The following ANKIB1 variants were observed in gnomAD, a reference collection of about 807,000 sequenced individuals.
ANKIB1 encodes the protein ankyrin repeat and IBR domain-containing protein 1.
ANKIB1 carries 43 observed loss-of-function variants against 122.1 expected under a neutral mutation model. That is an observed-to-expected ratio of 0.35 (90% CI 0.28 to 0.45). The LOEUF (loss-of-function observed/expected upper bound fraction) is 0.45, where lower values mean the gene tolerates loss of function less well. Among genes scored for constraint, ANKIB1 ranks in the 20% least tolerant of loss-of-function variants. The probability of loss-of-function intolerance (pLI) is 1.00; values close to 1 mark genes in which losing one functional copy is unlikely to be tolerated. For synonymous variants in ANKIB1, 390 were observed against 442.0 expected (o/e 0.88, Z 1.48); for missense variants, 992 against 1,329.5 (o/e 0.75, Z 3.95).
At chr7:92,368,562 CA>C (rs1309290342) in intron 10 of ANKIB1, among the ~76,000 whole-genome samples, 2 of 150,604 alleles carry the variant, frequency 1.3e-5, no homozygotes, top group Admixed American at 6.6e-5. Flanking sequence ...ACTAAAAATA[CA>C]AAAAAAAATT....
chr7:92,262,590 G>T (rs1801587896), intron 1 of ANKIB1, among the ~76,000 whole-genome samples: 1 of 152,102 alleles, frequency 6.6e-6, no homozygotes, highest in African/African-American at 2.4e-5. Flanking sequence ...AGCATGATCT[G>T]GTTCTGCAAT....
At chr7:92,289,160 C>A (rs1053723018) in intron 1 of ANKIB1, among the ~76,000 whole-genome samples, 1 of 152,168 alleles carries the variant, frequency 6.6e-6, no homozygotes, top group Non-Finnish European at 1.5e-5. Flanking sequence ...TATACCCATA[C>A]AGTGGAATAC....
At position 92,246,183 on chromosome 7, in the gene ANKIB1, A is replaced by C. The variant is rs2131850757; in HGVS notation, c.-427A>C. Reference sequence around the variant, plus strand: ...GGAACATGAGCCGGGCTTGACCGCGAGGCGGAGGCAAGAGCCACCGCCCCC... The same window carrying C: ...GGAACATGAGCCGGGCTTGACCGCGCGGCGGAGGCAAGAGCCACCGCCCCC... On this transcript the variant is annotated 5_prime_UTR_variant, in exon 1 of 20. Coordinates refer to ENST00000265742, the MANE Select transcript of ANKIB1 (RefSeq NM_019004.2). 2.8e-6 allele frequency: 1 copy of C among 356,214 alleles called. No homozygotes were observed. The highest frequency in any genetic ancestry group is 5.3e-6 in the Non-Finnish European group (1 of 189,266). 22.1% of individuals were successfully genotyped at this position (356,214 alleles called of 1,614,324 possible).
intron 11 of ANKIB1, among the ~76,000 whole-genome samples, chr7:92,386,033 G>A (rs1009712083): frequency 6.6e-6 from 1 of 152,092 alleles, no homozygotes; most frequent in African/African-American, 2.4e-5. Context: ...GATAATTATG[G>A]TAATTAAGTT....
intron 2 of ANKIB1, among the ~76,000 whole-genome samples, chr7:92,304,418 A>G (rs1353426930): frequency 6.6e-6 from 1 of 152,102 alleles, no homozygotes; most frequent in Admixed American, 6.6e-5. Context: ...TCTCTTCTCT[A>G]TATGGGGAGG....
At chr7:92,332,457 C>A (rs958457440) in intron 5 of ANKIB1, among the ~76,000 whole-genome samples, 1 of 152,054 alleles carries the variant, frequency 6.6e-6, no homozygotes, top group Non-Finnish European at 1.5e-5. Context: ...GTAGATTAAG[C>A]AGACGGCATA....
At chr7:92,258,792 G>A (rs1801502168) in intron 1 of ANKIB1, among the ~76,000 whole-genome samples, 1 of 152,152 alleles carries the variant, frequency 6.6e-6, no homozygotes, top group Non-Finnish European at 1.5e-5. Context: ...AAGACAGAGT[G>A]TAGGTTCTCT....
chr7:92,378,788 A>T (rs1804444332), intron 11 of ANKIB1, among the ~76,000 whole-genome samples: 1 of 152,224 alleles, frequency 6.6e-6, no homozygotes, highest in African/African-American at 2.4e-5. Flanking sequence ...ATACCTAGAA[A>T]ATTCACAAAA....
rs34318038 is a variant in ANKIB1, at chr7:92,370,508, CAAAAAAAAAAAAAAAAAAAAA to C, written c.1487-957_1487-937del. Among the ~76,000 whole-genome samples the C allele has an allele frequency of 2.4e-4, 8 of 32,988 alleles. No individual in the cohort carries two copies. In the South Asian group the frequency reaches 9.1e-3, roughly 37 times the overall value. 21.6% of individuals were successfully genotyped at this position (32,988 alleles called of 152,430 possible). A position where few individuals can be genotyped will look rare whatever the true frequency, so the allele number is the denominator to read the frequency against. ...GGGTGACAGAGCAAGACTCTTGTCT[CAAAAAAAAAAAAAAAAAAAAA>C]AAAAAAAAAAAGTTGGTTAATGGGG... On this transcript the variant is annotated intron_variant, in intron 10 of 19. Transcript: ENST00000265742.
intron 1 of ANKIB1, among the ~76,000 whole-genome samples, chr7:92,290,403 G>GTGTGTGTT (rs1802222046): frequency 1.3e-5 from 2 of 149,356 alleles, no homozygotes; most frequent in Admixed American, 1.3e-4. Context: ...GTGTGTGTGT[G>GTGTGTGTT]TATTGGGACC....
chr7:92,344,193 G>GTTTTTTTTTTTTTTTTT (rs67933063), intron 6 of ANKIB1, among the ~76,000 whole-genome samples: 1 of 97,676 alleles, frequency 1.0e-5, no homozygotes. Flanking sequence ...TGTGTTTTTG[G>GTTTTTTTTTTTTTTTTT]TTTTTTTTTT....
At chr7:92,391,974 T>C (rs1301965496) in intron 16 of ANKIB1, among the ~76,000 whole-genome samples, 2 of 152,192 alleles carry the variant, frequency 1.3e-5, no homozygotes, top group Non-Finnish European at 2.9e-5. Flanking sequence ...AGTAAATATT[T>C]ACTTGTAAAA....
intron 1 of ANKIB1, among the ~76,000 whole-genome samples, chr7:92,286,698 C>T (rs888291764): frequency 3.0e-4 from 45 of 152,062 alleles, no homozygotes; most frequent in African/African-American, 1.0e-3. Flanking sequence ...AGGCTGGTCT[C>T]GAACTGACCT....
At chr7:92,390,941 G>A (rs546703362) in intron 15 of ANKIB1, among the ~76,000 whole-genome samples, 7 of 151,976 alleles carry the variant, frequency 4.6e-5, no homozygotes, top group Middle Eastern at 3.4e-3. Context: ...TCAAATGAGC[G>A]CTTTTTTAAA....
At chr7:92,267,912 G>T (rs1007693677) in intron 1 of ANKIB1, among the ~76,000 whole-genome samples, 1 of 152,174 alleles carries the variant, frequency 6.6e-6, no homozygotes, top group Non-Finnish European at 1.5e-5. Context: ...TTTTGGAAAG[G>T]AAGGGAAGGT....
intron 11 of ANKIB1, among the ~76,000 whole-genome samples, chr7:92,385,005 C>T (rs552761682): frequency 1.2e-4 from 18 of 152,306 alleles, no homozygotes; most frequent in Admixed American, 1.0e-3. Flanking sequence ...GGGCTAGTAT[C>T]TAGAACCTAC....
chr7:92,249,607 C>A (rs1005280427), intron 1 of ANKIB1, among the ~76,000 whole-genome samples: 6 of 152,014 alleles, frequency 3.9e-5, no homozygotes, highest in African/African-American at 1.4e-4. Flanking sequence ...GTAATCCCAG[C>A]TACTTGGGAG....
chr7:92,267,826 T>C (rs929364390), intron 1 of ANKIB1, among the ~76,000 whole-genome samples: 25 of 152,172 alleles, frequency 1.6e-4, no homozygotes, highest in Non-Finnish European at 3.1e-4. Flanking sequence ...ATAGGTGATC[T>C]AGGCCCTTTA....
chr7:92,343,366 G>A (rs985887794), intron 6 of ANKIB1, 134 bp downstream of exon 6: 27 of 727,278 alleles, frequency 3.7e-5, no homozygotes, highest in Non-Finnish European at 5.0e-5. Context: ...TGAAAGGTTC[G>A]GTTATTTCCA....
Sources: allele counts gnomAD v4.1 joint callset (sites outside exome capture counted in the v4.1 genomes callset), GRCh38; gene constraint gnomAD v4.1.1; transcripts MANE v1.5; gene names NCBI Gene and HGNC (gene_info 2026-07-23, HGNC 2026-07-21).